GRK5: variants seen among roughly 807,000 people sequenced by gnomAD.
The protein encoded by GRK5 is G protein-coupled receptor kinase 5.
A neutral mutation model predicts 78.4 loss-of-function variants in GRK5; 40 were observed. The ratio of observed to expected loss-of-function variants is 0.51; its 90% CI spans 0.40 to 0.66. The LOEUF is 0.66. Ranked by LOEUF, GRK5 falls within the 30% of genes least tolerant of loss-of-function variation. The pLI is 0.00. For synonymous variants in GRK5, 289 were observed against 296.8 expected (o/e 0.97, Z 0.27); for missense variants, 598 against 759.9 (o/e 0.79, Z 2.50).
chr10:119,394,175 TGTGTGG>T (rs1851943640), intron 3 of GRK5, among the ~76,000 whole-genome samples: 2 of 147,054 alleles, frequency 1.4e-5, no homozygotes, highest in African/African-American at 2.5e-5. Context: ...TTTGAGTGTG[TGTGTGG>T]GTGTCTGTGT....
intron 1 of GRK5, among the ~76,000 whole-genome samples, chr10:119,213,782 C>G (rs545092927): frequency 8.5e-5 from 13 of 152,134 alleles, no homozygotes; most frequent in Non-Finnish European, 1.6e-4. Flanking sequence ...ACCCCTGCTT[C>G]TCATTTTGAG....
chr10:119,406,946 T>C (rs756353416), intron 4 of GRK5, among the ~76,000 whole-genome samples: 1 of 152,176 alleles, frequency 6.6e-6, no homozygotes, highest in Non-Finnish European at 1.5e-5. Flanking sequence ...ATATTCCATG[T>C]TTTGCTAAGT....
At chr10:119,398,833 C>T (rs753625367) in intron 4 of GRK5, among the ~76,000 whole-genome samples, 54 of 152,268 alleles carry the variant, frequency 3.5e-4, no homozygotes, top group Admixed American at 1.9e-3. Flanking sequence ...TCTCCTCACC[C>T]GGCTTCACTG....
At chr10:119,339,180 TCAG>T (rs1254230513) in intron 2 of GRK5, among the ~76,000 whole-genome samples, 1 of 152,182 alleles carries the variant, frequency 6.6e-6, no homozygotes, top group Non-Finnish European at 1.5e-5. Context: ...TTCACTGCAG[TCAG>T]CAGGTGTGAG....
rs1185390690 is a variant in GRK5 at position 119,431,542 on chromosome 10, G to A, written c.738+15G>A. On this transcript the variant is annotated intron_variant, in intron 8 of 15. Transcript: ENST00000392870. The surrounding 1 kb of genome is among the most constrained non-coding windows in gnomAD (Gnocchi z 4.8). ...GTCAGTTTGTGGTGAGTGAGCATCT[G>A]GGCCCAGTGACCGGCTCGCCCTTCT... 2 of 1,609,838 alleles carry A rather than the reference G, an allele frequency of 1.2e-6. No individual in the cohort carries two copies. The highest frequency in any genetic ancestry group is 1.7e-6 in the Non-Finnish European group (2 of 1,177,856).
At chr10:119,349,329 C>T (rs1384026611) in intron 2 of GRK5, among the ~76,000 whole-genome samples, 1 of 152,150 alleles carries the variant, frequency 6.6e-6, no homozygotes, top group African/African-American at 2.4e-5. Context: ...GAGAGGTGGC[C>T]GTAGTGATGC....
At chr10:119,342,982 C>T (rs1187155265) in intron 2 of GRK5, among the ~76,000 whole-genome samples, 2 of 152,196 alleles carry the variant, frequency 1.3e-5, no homozygotes, top group African/African-American at 2.4e-5. Context: ...GATAGCCAAT[C>T]CCAGCCATGA....
At chr10:119,212,851 G>A (rs1848510728) in intron 1 of GRK5, 1 of 152,230 alleles carries the variant, frequency 6.6e-6, no homozygotes, top group Admixed American at 6.5e-5. Context: ...AAAATAGAAT[G>A]GTGGAGCCGA....
At chr10:119,382,182 C>CCGCTGCAGG (rs1851721836) in intron 3 of GRK5, among the ~76,000 whole-genome samples, 1 of 100,086 alleles carries the variant, frequency 1.0e-5, no homozygotes. Flanking sequence ...AGCTCCCTCC[C>CCGCTGCAGG]CTCTGCAGGC....
intron 1 of GRK5, among the ~76,000 whole-genome samples, chr10:119,316,701 G>A (rs568303643): frequency 9.8e-5 from 15 of 152,358 alleles, no homozygotes; most frequent in East Asian, 3.9e-4. Flanking sequence ...AGTCCCAGAT[G>A]TGAAGCTGCC....
At chr10:119,395,050 C>T (rs1249396426) in intron 3 of GRK5, among the ~76,000 whole-genome samples, 1 of 144,734 alleles carries the variant, frequency 6.9e-6, no homozygotes, top group Non-Finnish European at 1.5e-5. Context: ...GCTCTGCCCA[C>T]GCGGCGCAGT....
At chr10:119,448,071 G>A (rs888919531) in intron 12 of GRK5, 52 bp from the exon 13 acceptor site, 20 of 1,487,608 alleles carry the variant, frequency 1.3e-5, no homozygotes, top group East Asian at 5.2e-5. Context: ...CAGGAGGTCC[G>A]GACAGGAGGA....
chr10:119,289,671 G>A (rs556052338), intron 1 of GRK5, among the ~76,000 whole-genome samples: 1 of 152,166 alleles, frequency 6.6e-6, no homozygotes, highest in South Asian at 2.1e-4. Flanking sequence ...CTTTGTGCAC[G>A]GGCCTCCCGC....
chr10:119,410,498 T>C (rs1012923653), intron 4 of GRK5, among the ~76,000 whole-genome samples: 1 of 152,160 alleles, frequency 6.6e-6, no homozygotes, highest in Non-Finnish European at 1.5e-5. Context: ...CATGACACGC[T>C]GGGTCTCAGG....
Position 119,376,846 on chromosome 10 carries a change from C to T in GRK5, c.149-3969C>T, listed in dbSNP as rs77992338. The stretch of plus-strand genomic sequence containing the variant: ...CCTCTCAAAGTGATGGGATTACAGG[C>T]GTAAGCCACCGTGCCTGGCCACTAC... On this transcript the variant is annotated intron_variant, in intron 2 of 15. Coordinates refer to ENST00000392870, the MANE Select transcript of GRK5 (RefSeq NM_005308.3). Among the ~76,000 whole-genome samples, 439 of 152,266 alleles carry T rather than the reference C, an allele frequency of 2.9e-3. 7 individuals carry two copies. Among genetic ancestry groups the T allele is most frequent in the East Asian group, 6.4e-3 (33 of 5,184 alleles).
intron 1 of GRK5, among the ~76,000 whole-genome samples, chr10:119,306,311 G>C (rs961765061): frequency 6.6e-6 from 1 of 152,240 alleles, no homozygotes; most frequent in South Asian, 2.1e-4. Context: ...ACCTCTGTGT[G>C]AGTCTGTTCA....
At chr10:119,409,828 C>T (rs1023953882) in intron 4 of GRK5, among the ~76,000 whole-genome samples, 1 of 152,148 alleles carries the variant, frequency 6.6e-6, no homozygotes, top group Non-Finnish European at 1.5e-5. Context: ...GGAAAGTTGG[C>T]GGGCCCTGCC....
chr10:119,444,111 C>T (rs549437912), intron 12 of GRK5, among the ~76,000 whole-genome samples: 97 of 152,270 alleles, frequency 6.4e-4, no homozygotes, highest in African/African-American at 2.2e-3. Context: ...GGCCAAGCCC[C>T]GGCCCCTGCC....
intron 5 of GRK5, 103 bp downstream of exon 5, chr10:119,423,369 G>T: frequency 1.3e-6 from 1 of 752,796 alleles, no homozygotes; most frequent in Non-Finnish European, 2.3e-6. Context: ...GGTCTTCCAT[G>T]CCTGACAGCT....
Sources: allele counts gnomAD v4.1 joint callset (sites outside exome capture counted in the v4.1 genomes callset), GRCh38; gene constraint gnomAD v4.1.1; non-coding constraint Gnocchi (gnomAD v3.1); transcripts MANE v1.5; gene names NCBI Gene and HGNC (gene_info 2026-07-23, HGNC 2026-07-21).